The following SETD5 variants were observed in gnomAD, a reference collection of about 807,000 sequenced individuals.
SETD5 encodes the protein SET domain containing 5, also known as histone-lysine N-methyltransferase SETD5.
A neutral mutation model predicts 153.3 loss-of-function variants in SETD5; 44 were observed. That is an observed-to-expected ratio of 0.29 (90% confidence interval 0.23 to 0.37). SETD5 has a LOEUF of 0.37. SETD5 is among the 10% of genes least tolerant of loss of function. SETD5 has a pLI of 1.00. For synonymous variants in SETD5, 716 were observed against 645.2 expected (o/e 1.11, Z -1.66); for missense variants, 1,544 against 1,768.0 (o/e 0.87, Z 2.27).
chr3:9,476,182 G>A lies in SETD5; in HGVS notation c.*91G>A, dbSNP rs977041496. 12 of 1,474,732 alleles carry A rather than the reference G, an allele frequency of 8.1e-6. No individual in the cohort carries two copies. Among genetic ancestry groups the A allele is most frequent in the Non-Finnish European group, 1.1e-5 (12 of 1,106,846 alleles). 91.4% of individuals were successfully genotyped at this position (1,474,732 alleles called of 1,614,324 possible). On this transcript the variant is annotated 3_prime_UTR_variant, in exon 23 of 23. Transcript: ENST00000402198. ...AACCTAGGCCGAGCATATTGCTGAG[G>A]AACGGGGGGTACAAGGTGCCAGAGG...
At chr3:9,450,321 T>A (rs1021119791) in intron 16 of SETD5, among the ~76,000 whole-genome samples, 1 of 152,200 alleles carries the variant, frequency 6.6e-6, no homozygotes, top group African/African-American at 2.4e-5. Flanking sequence ...ACTCAAGCAC[T>A]TTTATCTATG....
At chr3:9,427,411 A>G (rs1258946006) in intron 2 of SETD5, among the ~76,000 whole-genome samples, 1 of 152,090 alleles carries the variant, frequency 6.6e-6, no homozygotes, top group East Asian at 1.9e-4. Context: ...TTAGCCAGAC[A>G]TGGTGGCAGG....
intron 1 of SETD5, among the ~76,000 whole-genome samples, chr3:9,410,817 A>G (rs1472655149): frequency 3.9e-5 from 6 of 152,164 alleles, no homozygotes; most frequent in African/African-American, 1.4e-4. Flanking sequence ...TTTTGGAACC[A>G]GAATTTCTTG....
chr3:9,437,246 T>C (rs2040679540), intron 7 of SETD5, among the ~76,000 whole-genome samples: 1 of 152,186 alleles, frequency 6.6e-6, no homozygotes, highest in Non-Finnish European at 1.5e-5. Context: ...CTTGTGCATC[T>C]ACCCTAGCAC....
At chr3:9,412,227 G>C (rs952301692) in intron 1 of SETD5, among the ~76,000 whole-genome samples, 1 of 151,644 alleles carries the variant, frequency 6.6e-6, no homozygotes, top group Non-Finnish European at 1.5e-5. Context: ...AATACTCTGG[G>C]GTTGGAGTGA....
At chr3:9,474,044 G>C (rs897309309) in intron 20 of SETD5, among the ~76,000 whole-genome samples, 1 of 152,210 alleles carries the variant, frequency 6.6e-6, no homozygotes, top group Non-Finnish European at 1.5e-5. Context: ...TGAAGCACAG[G>C]AGTTCAGGGA....
Position 9,447,915 on chromosome 3 carries a change from A to G in SETD5, c.2012A>G (p.Asn671Ser), listed in dbSNP as rs1328077423. The change falls in exon 15 of 23, where the codon AAC (asparagine) becomes AGC (serine). Residue 671 changes from asparagine (N) to serine (S), a missense_variant. Physicochemically the swap from Asn to Ser is conservative, Grantham distance 46 (BLOSUM62 1). Around this residue, in one of 9 missense-constraint regions of SETD5, gnomAD observed 782 missense variants for 787.2 expected, o/e 0.99. Coordinates refer to ENST00000402198, the MANE Select transcript of SETD5 (RefSeq NM_001080517.3). ...EAGSLDSSGENRPLTGSDPTV... is the reference protein window; with the variant it reads ...EAGSLDSSGESRPLTGSDPTV... Reference sequence around the variant, plus strand: ...GGAAGTCTAGACAGTTCAGGAGAAAACAGGCCATTAACAGGGTCTGACCCA... The same window carrying G: ...GGAAGTCTAGACAGTTCAGGAGAAAGCAGGCCATTAACAGGGTCTGACCCA... The G allele has an allele frequency of 6.2e-7, 1 of 1,613,938 alleles. No individual in the cohort carries two copies. The highest frequency in any genetic ancestry group is 2.2e-5 in the East Asian group (1 of 44,868).
rs752054351 is a variant in SETD5, at chr3:9,475,621, C to T, written c.3859C>T (p.His1287Tyr). 6.2e-7 allele frequency: 1 copy of T among 1,613,974 alleles called. No individual in the cohort carries two copies. Residue 1287 changes from histidine to tyrosine, a missense_variant, in exon 23 of 23, where the codon CAC becomes TAC. This residue lies in a region of SETD5 where 302 missense variants were observed against 277.6 expected (regional missense o/e 1.09). Coordinates refer to ENST00000402198, the MANE Select transcript of SETD5 (RefSeq NM_001080517.3). ...TALRPGNPPS[H>Y]GSSESSLSST... ...ACTGAGACCTGGAAACCCCCCCTCT[C>T]ACGGTTCTTCAGAATCATCCCTCTC...
intron 17 of SETD5, among the ~76,000 whole-genome samples, chr3:9,463,436 T>C (rs1011603702): frequency 2.0e-5 from 3 of 152,226 alleles, no homozygotes; most frequent in Non-Finnish European, 4.4e-5. Flanking sequence ...TACTTTTAAC[T>C]GTAAATGAAT....
chr3:9,447,176 G>C lies in SETD5; in HGVS notation c.1651G>C (p.Glu551Gln). Residue 551 changes from glutamate to glutamine, a missense_variant, in exon 14 of 23, where the codon GAG (glutamate) becomes CAG (glutamine). Coordinates refer to ENST00000402198, the MANE Select transcript of SETD5 (RefSeq NM_001080517.3). ...SDVEITTTTS[E>Q]TPVGEETKTE... ...TGTAGAGATTACTACAACCACCTCAGAGACTCCTGTTGGTGAAGAGACAAA... is the reference window on the plus strand; with the variant it reads ...TGTAGAGATTACTACAACCACCTCACAGACTCCTGTTGGTGAAGAGACAAA... 1 of 1,614,028 alleles carries C rather than the reference G, an allele frequency of 6.2e-7. No individual in the cohort carries two copies. The highest frequency in any genetic ancestry group is 8.5e-7 in the Non-Finnish European group (1 of 1,179,900).
At chr3:9,440,912 A>G (rs1396860300) in intron 8 of SETD5, among the ~76,000 whole-genome samples, 2 of 152,210 alleles carry the variant, frequency 1.3e-5, no homozygotes, top group African/African-American at 4.8e-5. Context: ...ATAAAAAAAT[A>G]GATGAATTGA....
intron 15 of SETD5, among the ~76,000 whole-genome samples, 153 bp downstream of exon 15, chr3:9,448,159 T>C (rs2042229886): frequency 6.6e-6 from 1 of 152,218 alleles, no homozygotes; most frequent in Non-Finnish European, 1.5e-5. Flanking sequence ...GTCATCCTGC[T>C]ACCTGTTTCC....
At chr3:9,454,344 C>T (rs888466562) in intron 17 of SETD5, among the ~76,000 whole-genome samples, 6 of 152,126 alleles carry the variant, frequency 3.9e-5, no homozygotes, top group African/African-American at 9.6e-5. Context: ...AACAGCCGGG[C>T]GCTGTGGCTC....
At chr3:9,446,976 A>G in intron 13 of SETD5, 74 bp from the exon 14 acceptor site, 1 of 1,084,440 alleles carries the variant, frequency 9.2e-7, no homozygotes, top group Non-Finnish European at 1.3e-6. Flanking sequence ...ATTTCCATTA[A>G]AAATACTTTT....
chr3:9,420,813 T>C (rs753640517), intron 1 of SETD5, among the ~76,000 whole-genome samples: 2 of 151,096 alleles, frequency 1.3e-5, no homozygotes, highest in Admixed American at 1.3e-4. Context: ...TTTCTTCTTA[T>C]GCTTAACACT....
At chr3:9,451,728 G>A (rs111777241) in intron 16 of SETD5, among the ~76,000 whole-genome samples, 61 of 152,188 alleles carry the variant, frequency 4.0e-4, no homozygotes, top group African/African-American at 1.4e-3. Flanking sequence ...TTACAGATAC[G>A]AGCTACTGAG....
intron 3 of SETD5, chr3:9,433,271 GA>G (rs1364755416): frequency 8.9e-6 from 7 of 789,526 alleles, no homozygotes; most frequent in Non-Finnish European, 1.3e-5. Context: ...TGGTGGATGA[GA>G]AATTATTACT....
At chr3:9,411,198 A>G (rs929795266) in intron 1 of SETD5, among the ~76,000 whole-genome samples, 2 of 152,154 alleles carry the variant, frequency 1.3e-5, no homozygotes, top group Non-Finnish European at 1.5e-5. Context: ...AATTTCAGGT[A>G]CACTTGGGAC....
intron 1 of SETD5, among the ~76,000 whole-genome samples, chr3:9,402,317 A>G (rs1367008468): frequency 6.6e-6 from 1 of 152,154 alleles, no homozygotes; most frequent in African/African-American, 2.4e-5. Context: ...AAAATAAACA[A>G]TGAAGGTAAG....
Sources: allele counts gnomAD v4.1 joint callset (sites outside exome capture counted in the v4.1 genomes callset), GRCh38; gene constraint gnomAD v4.1.1; regional missense constraint gnomAD v4.1.1; transcripts MANE v1.5; gene names NCBI Gene and HGNC (gene_info 2026-07-23, HGNC 2026-07-21).